TM6SF1: variants seen among roughly 807,000 people sequenced by gnomAD.
TM6SF1 encodes transmembrane 6 superfamily member 1.
In TM6SF1, 43 loss-of-function variants were observed where a neutral mutation model predicts 47.1. That is an observed-to-expected ratio of 0.91 (90% CI 0.72 to 1.18). The LOEUF (loss-of-function observed/expected upper bound fraction) is 1.18. Among genes scored for constraint, TM6SF1 ranks in the 50% most tolerant of loss-of-function variants. The pLI, the probability that TM6SF1 is intolerant of heterozygous loss-of-function variation, is 0.00. For synonymous variants in TM6SF1, 177 were observed against 166.3 expected, an observed-to-expected ratio of 1.06 and a Z score of -0.49; for missense variants, 390 against 449.0, an observed-to-expected ratio of 0.87 and a Z score of 1.19.
At chr15:83,118,063 T>G (rs1444366073) in intron 3 of TM6SF1, among the ~76,000 whole-genome samples, 1 of 152,140 alleles carries the variant, frequency 6.6e-6, no homozygotes, top group African/African-American at 2.4e-5. Flanking sequence ...GGTTTCACCA[T>G]TAATATAGAG....
intron 3 of TM6SF1, among the ~76,000 whole-genome samples, chr15:83,117,461 A>G (rs2034777750): frequency 6.6e-6 from 1 of 152,170 alleles, no homozygotes; most frequent in Non-Finnish European, 1.5e-5. Context: ...TTGGGACTTT[A>G]GAGACCATGG....
At chr15:83,122,999 C>T (rs749129193) in intron 6 of TM6SF1, 121 bp downstream of exon 6, 13 of 1,114,368 alleles carry the variant, frequency 1.2e-5, no homozygotes, top group Admixed American at 4.9e-5. Flanking sequence ...CCAAACAGTG[C>T]GACTGTTTTG....
chr15:83,122,120 C>A, intron 5 of TM6SF1, 117 bp downstream of exon 5: 2 of 850,330 alleles, frequency 2.4e-6, no homozygotes, highest in South Asian at 1.6e-5. Context: ...TACTAAAAAC[C>A]TGTTTTGCAG....
At chr15:83,116,104 G>C (rs1006068819) in intron 3 of TM6SF1, among the ~76,000 whole-genome samples, 162 bp downstream of exon 3, 130 of 152,320 alleles carry the variant, frequency 8.5e-4, no homozygotes, top group African/African-American at 3.0e-3. Context: ...GGAAAGTGGA[G>C]CAGAAAGGAC....
chr15:83,134,110 C>T (rs1221809392), intron 9 of TM6SF1: 1 of 152,168 alleles, frequency 6.6e-6, no homozygotes, highest in Admixed American at 6.5e-5. Context: ...TTGACAGTCA[C>T]AAGTCCATTG....
chr15:83,121,974 T>C lies in TM6SF1; in HGVS notation c.452T>C (p.Val151Ala). 6.2e-7 allele frequency: 1 copy of C among 1,611,632 alleles called. No homozygotes were observed. Among genetic ancestry groups the C allele is most frequent in the Middle Eastern group, 1.7e-4 (1 of 6,054 alleles). Residue 151 changes from valine (V) to alanine (A), a missense_variant, in exon 5 of 10, where the codon GTT (valine) becomes GCT (alanine). Val to Ala is a moderately conservative substitution (Grantham distance 64, BLOSUM62 0). Transcript: ENST00000322019. ...TGGGTTGGATCTATTATTATGAGTG[T>C]TGTTGTTTTTGTGCCAGGAAACATT... ...LYWVGSIIMS[V>A]VVFVPGNIVG...
intron 9 of TM6SF1, chr15:83,129,242 G>A (rs1170884808): frequency 6.6e-6 from 1 of 152,098 alleles, no homozygotes; most frequent in Admixed American, 6.6e-5. Context: ...GGCAAACCAC[G>A]TTAAAAGTTT....
In TM6SF1 at chr15:83,123,001, A is replaced by G. The variant is rs750141779; in HGVS notation, c.603+123A>G. 19 of 1,109,988 alleles carry G rather than the reference A, an allele frequency of 1.7e-5. No homozygotes were observed. In the South Asian group the frequency reaches 2.7e-4, roughly 16 times the overall value. The allele number at this position is 1,109,988 out of a possible 1,614,324, so 68.8% of individuals were successfully genotyped here. The stretch of plus-strand genomic sequence containing the variant: ...GCATTTGGGGCATCCAAACAGTGCG[A>G]CTGTTTTGATTATGTAGCATTAGCT... On this transcript the variant is annotated intron_variant, in intron 6 of 9. Coordinates refer to ENST00000322019, the MANE Select transcript of TM6SF1 (RefSeq NM_023003.5).
At chr15:83,120,136 C>G (rs1294523715) in intron 4 of TM6SF1, 2 of 171,514 alleles carry the variant, frequency 1.2e-5, no homozygotes, top group Non-Finnish European at 1.3e-5. Flanking sequence ...CTGCGGCTGG[C>G]CCCTTGGCAG....
chr15:83,128,400 T>C (rs1408228327), intron 9 of TM6SF1: 3 of 152,220 alleles, frequency 2.0e-5, no homozygotes, highest in Non-Finnish European at 4.4e-5. Context: ...CCAGAAGTAA[T>C]GGTTCCTGTC....
chr15:83,127,553 G>T, intron 9 of TM6SF1, 76 bp downstream of exon 9: 1 of 1,550,428 alleles, frequency 6.4e-7, no homozygotes, highest in Non-Finnish European at 8.8e-7. Flanking sequence ...AAACTTCTCT[G>T]CTCAGTGTTT....
At chr15:83,118,703 AAGG>A (rs1026773962) in intron 3 of TM6SF1, among the ~76,000 whole-genome samples, 7 of 152,166 alleles carry the variant, frequency 4.6e-5, no homozygotes, top group African/African-American at 1.4e-4. Context: ...GAAAGGACTT[AAGG>A]CATCTTACAG....
At chr15:83,111,060 C>T (rs1313101905) in intron 1 of TM6SF1, among the ~76,000 whole-genome samples, 3 of 151,940 alleles carry the variant, frequency 2.0e-5, no homozygotes, top group Non-Finnish European at 4.4e-5. Flanking sequence ...TTAGTAGAGA[C>T]GGGGTTTCAC....
At position 83,115,752 on chromosome 15, in the gene TM6SF1, T is replaced by G. The variant is rs1347221662; in HGVS notation, c.197-93T>G. The G allele has an allele frequency of 5.7e-6, 5 of 871,794 alleles. No homozygotes were observed. In the African/African-American group the frequency reaches 6.6e-5, roughly 11 times the overall value. 54.0% of individuals were successfully genotyped at this position (871,794 alleles called of 1,614,324 possible). On this transcript the variant is annotated intron_variant, in intron 2 of 9. Transcript: ENST00000322019. The stretch of plus-strand genomic sequence containing the variant: ...TGTCCACAGCATCTTCTGGAAAACA[T>G]GAAAAACATTCCATTATTATTAGCT...
rs199717400 is a variant in TM6SF1, at chr15:83,107,723, T to C, written c.43T>C (p.Ser15Pro). The C allele has an allele frequency of 4.2e-5, 67 of 1,583,524 alleles. No individual in the cohort carries two copies. Among genetic ancestry groups the C allele is most frequent in the Non-Finnish European group, 5.7e-5 (66 of 1,166,662 alleles). ...AATGVFVLSL[S>P]AIPVTYVFNH... is the part of the protein sequence containing the mutation. ...CACCGGGGTCTTCGTGCTGTCCCTC[T>C]CGGCCATCCCGGTCACCTATGTCTT... Residue 15 changes from serine (S) to proline (P), a missense_variant, in exon 1 of 10, where the codon TCG becomes CCG. Physicochemically the swap from Ser to Pro is moderately conservative, Grantham distance 74 (BLOSUM62 -1). Transcript: ENST00000322019. The surrounding 1 kb of genome is among the most constrained non-coding windows in gnomAD (Gnocchi z 5.6).
At chr15:83,108,971 TG>T (rs1349464693) in intron 1 of TM6SF1, among the ~76,000 whole-genome samples, 1 of 152,160 alleles carries the variant, frequency 6.6e-6, no homozygotes, top group African/African-American at 2.4e-5. Flanking sequence ...TGGGGGACCC[TG>T]TGCTCCAAAA....
chr15:83,108,417 C>T (rs1204742512), intron 1 of TM6SF1, among the ~76,000 whole-genome samples: 3 of 151,414 alleles, frequency 2.0e-5, no homozygotes, highest in African/African-American at 7.3e-5. Context: ...TGTGAAGGGG[C>T]GTTGTGAATG....
intron 7 of TM6SF1, among the ~76,000 whole-genome samples, chr15:83,125,334 A>C (rs762693062): frequency 6.6e-6 from 1 of 151,994 alleles, no homozygotes; most frequent in Admixed American, 6.6e-5. Context: ...CATGTTTTCT[A>C]TTTTCTCTTT....
At chr15:83,114,506 A>C (rs1329124544) in intron 2 of TM6SF1, 1 of 152,404 alleles carries the variant, frequency 6.6e-6, no homozygotes, top group Non-Finnish European at 1.5e-5. Flanking sequence ...ACTGCCAATG[A>C]GAACTGGGCC....
Sources: allele counts gnomAD v4.1 joint callset (sites outside exome capture counted in the v4.1 genomes callset), GRCh38; gene constraint gnomAD v4.1.1; non-coding constraint Gnocchi (gnomAD v3.1); transcripts MANE v1.5; gene names NCBI Gene and HGNC (gene_info 2026-07-23, HGNC 2026-07-21).